Variants in ABCC4 observed in about 807,000 individuals in gnomAD.
ABCC4 encodes the protein ATP binding cassette subfamily C member 4 (PEL blood group).
A neutral mutation model predicts 168.5 loss-of-function variants in ABCC4; 102 were observed. That is an observed-to-expected ratio of 0.61 (90% confidence interval 0.52 to 0.71). The LOEUF is 0.71. ABCC4 is among the 30% of genes least tolerant of loss of function. ABCC4 has a pLI of 0.00. For missense variants in ABCC4, 1,402 were observed against 1,605.8 expected, an observed-to-expected ratio of 0.87 and a Z score of 2.17; for synonymous variants, 617 against 590.7, an observed-to-expected ratio of 1.04 and a Z score of -0.65.
chr13:95,153,238 T>C (rs2036748434), intron 19 of ABCC4, among the ~76,000 whole-genome samples: 1 of 152,188 alleles, frequency 6.6e-6, no homozygotes. Flanking sequence ...ATGACAATAC[T>C]TGAATTACTA....
chr13:95,108,655 T>A (rs2035093590), intron 20 of ABCC4, among the ~76,000 whole-genome samples: 1 of 151,026 alleles, frequency 6.6e-6, no homozygotes, highest in Non-Finnish European at 1.5e-5. Context: ...TTTTTTTTTT[T>A]ATTTTATTTT....
chr13:95,127,735 T>C (rs1029170656), intron 19 of ABCC4, among the ~76,000 whole-genome samples: 4 of 152,128 alleles, frequency 2.6e-5, no homozygotes, highest in African/African-American at 9.7e-5. Context: ...TCTCTAAGGA[T>C]AGTGACTCCC....
chr13:95,169,358 G>A (rs550699196), intron 14 of ABCC4, among the ~76,000 whole-genome samples: 2 of 152,130 alleles, frequency 1.3e-5, no homozygotes. Context: ...ACAACAAAGA[G>A]GATCTCTTAA....
intron 20 of ABCC4, among the ~76,000 whole-genome samples, chr13:95,087,097 G>T (rs1416567759): frequency 6.8e-5 from 10 of 146,776 alleles, no homozygotes; most frequent in African/African-American, 1.3e-4. Flanking sequence ...ATTTTCTTCT[G>T]ATTTAGAGAG....
intron 25 of ABCC4, among the ~76,000 whole-genome samples, chr13:95,067,565 G>A (rs1433388615): frequency 6.6e-6 from 1 of 152,082 alleles, no homozygotes; most frequent in East Asian, 1.9e-4. Context: ...AAAGGGTGGG[G>A]TGGGCCTGAC....
intron 1 of ABCC4, among the ~76,000 whole-genome samples, chr13:95,295,116 C>T (rs374831981): frequency 2.6e-5 from 4 of 152,240 alleles, no homozygotes; most frequent in African/African-American, 9.6e-5. Flanking sequence ...ACCTGAGAAA[C>T]GTGGCTCCCA....
chr13:95,129,080 G>T (rs530100159), intron 19 of ABCC4, among the ~76,000 whole-genome samples: 100 of 152,288 alleles, frequency 6.6e-4, no homozygotes, highest in Admixed American at 1.6e-3. Flanking sequence ...ATTTGAATCT[G>T]AATGAGAGAT....
Position 95,083,248 on chromosome 13 carries a change from C to T in ABCC4, c.2578G>A (p.Val860Met), listed in dbSNP as rs45477596. ...AAGGGTATTGCGATCCAAGGAATCACGGCCACAGCCACAGAGACCACACCA... is the reference window on the plus strand; with the variant it reads ...AAGGGTATTGCGATCCAAGGAATCATGGCCACAGCCACAGAGACCACACCA... Reference protein sequence around the residue: ...VVGVVSVAVAVIPWIAIPLVP... With the variant: ...VVGVVSVAVAMIPWIAIPLVP... The change falls in exon 21 of 31, where the codon GTG becomes ATG. Residue 860 changes from valine to methionine, a missense_variant. Physicochemically the swap from Val to Met is conservative, Grantham distance 21. Around this residue, in one of 3 missense-constraint regions of ABCC4, gnomAD observed 1,007 missense variants for 1,127.3 expected, o/e 0.89. Coordinates refer to ENST00000645237, the MANE Select transcript of ABCC4 (RefSeq NM_005845.5). The T allele has an allele frequency of 1.8e-4, 291 of 1,613,998 alleles. 1 individual carries two copies. In the East Asian group the frequency reaches 4.5e-3, roughly 25 times the overall value.
intron 3 of ABCC4, among the ~76,000 whole-genome samples, chr13:95,243,640 A>C (rs1159897479): frequency 1.3e-5 from 2 of 152,148 alleles, no homozygotes; most frequent in Admixed American, 1.3e-4. Context: ...TAATCCCATT[A>C]ATTTGGGAGG....
intron 19 of ABCC4, among the ~76,000 whole-genome samples, chr13:95,153,393 A>G (rs992964546): frequency 2.0e-5 from 3 of 152,216 alleles, no homozygotes; most frequent in African/African-American, 7.2e-5. Context: ...CACATATCAA[A>G]TCAGTTAATG....
At chr13:95,033,125 T>A (rs6492765) in intron 30 of ABCC4, among the ~76,000 whole-genome samples, 151,770 of 152,136 alleles carry the variant, frequency 1, 75,702 homozygotes, top group Non-Finnish European at 1. Flanking sequence ...AATCGCCACT[T>A]CACCCAGCTG....
intron 18 of ABCC4, 21 bp downstream of exon 18, chr13:95,163,101 C>T (rs946951123): frequency 6.4e-7 from 1 of 1,564,930 alleles, no homozygotes; most frequent in East Asian, 2.2e-5. Flanking sequence ...TCATACAATA[C>T]ACCAAATGAT....
chr13:95,158,689 T>C (rs1169279185), intron 19 of ABCC4, among the ~76,000 whole-genome samples: 2 of 152,176 alleles, frequency 1.3e-5, no homozygotes, highest in African/African-American at 2.4e-5. Context: ...TCATGCCAGA[T>C]ACTTATACAT....
intron 20 of ABCC4, among the ~76,000 whole-genome samples, chr13:95,112,748 G>T (rs529612337): frequency 4.7e-4 from 72 of 152,146 alleles, no homozygotes; most frequent in Admixed American, 8.5e-4. Context: ...CACTTTCTGT[G>T]AGTTTCTCTG....
chr13:95,153,462 CGAGAGAGACA>C (rs1018107473), intron 19 of ABCC4, among the ~76,000 whole-genome samples: 1 of 151,882 alleles, frequency 6.6e-6, no homozygotes, highest in African/African-American at 2.4e-5. Flanking sequence ...TTACATATAT[CGAGAGAGACA>C]GAGAGAGAGA....
intron 19 of ABCC4, among the ~76,000 whole-genome samples, chr13:95,151,584 AAGG>A (rs1156297232): frequency 7.1e-6 from 1 of 141,086 alleles, no homozygotes; most frequent in Non-Finnish European, 1.5e-5. Flanking sequence ...GGAGGAGGAG[AAGG>A]AGAAGAAGGA....
chr13:95,114,599 T>C (rs983655722), intron 20 of ABCC4, among the ~76,000 whole-genome samples: 1 of 152,166 alleles, frequency 6.6e-6, no homozygotes, highest in Non-Finnish European at 1.5e-5. Context: ...GAGGTCCTTG[T>C]TTGCAGTAAA....
chr13:95,054,021 C>CTTTTTTT lies in ABCC4; in HGVS notation c.3367-844_3367-838dup, dbSNP rs55980425. On this transcript the variant is annotated intron_variant, in intron 26 of 30. Coordinates refer to ENST00000645237, the MANE Select transcript of ABCC4 (RefSeq NM_005845.5). ...CTCTCCAATGTCAGAATGGGACATC[C>CTTTTTTT]TTTTTTTTTTTTTTTTTTTTTTTTT... 135 of 71,624 alleles carry CTTTTTTT rather than the reference C, an allele frequency of 1.9e-3. 17 individuals carry two copies. Among genetic ancestry groups the CTTTTTTT allele is most frequent in the African/African-American group, 9.2e-3 (127 of 13,768 alleles). The allele number at this position is 71,624 out of a possible 1,614,324, so 4.4% of individuals were successfully genotyped here. A position where few individuals can be genotyped will look rare whatever the true frequency, so the allele number is the denominator to read the frequency against.
At chr13:95,155,630 T>C (rs1340277073) in intron 19 of ABCC4, among the ~76,000 whole-genome samples, 4 of 152,102 alleles carry the variant, frequency 2.6e-5, no homozygotes, top group Non-Finnish European at 4.4e-5. Flanking sequence ...AACATAAATA[T>C]ACATACACAC....
Sources: gnomAD v4.1 joint callset for allele counts (sites outside exome capture counted in the v4.1 genomes callset) on GRCh38, gnomAD v4.1.1 for gene constraint, gnomAD v4.1.1 regional missense constraint, MANE v1.5 for transcripts, NCBI Gene and HGNC (gene_info 2026-07-23, HGNC 2026-07-21) for gene names.